Variants in ADAM22 observed in about 807,000 individuals in gnomAD.
ADAM22 encodes the protein ADAM metallopeptidase domain 22, also known as disintegrin and metalloproteinase domain-containing protein 22.
ADAM22 carries 65 observed loss-of-function variants against 144.6 expected under a neutral mutation model. The observed-to-expected ratio is 0.45, with a 90% CI of 0.37 to 0.55. The LOEUF (loss-of-function observed/expected upper bound fraction) is 0.55, where lower values mean the gene tolerates loss of function less well. ADAM22 is among the 20% of genes least tolerant of loss of function. ADAM22 has a pLI of 0.00. For synonymous variants in ADAM22, 391 were observed against 412.6 expected (o/e 0.95, Z 0.63); for missense variants, 974 against 1,184.9 (o/e 0.82, Z 2.61).
chr7:88,003,232 A>T (rs1216152251), intron 3 of ADAM22, among the ~76,000 whole-genome samples: 1 of 152,228 alleles, frequency 6.6e-6, no homozygotes, highest in Non-Finnish European at 1.5e-5. Flanking sequence ...CTCAGGAAAT[A>T]AGCTGTCAAT....
chr7:88,006,586 G>T (rs1793913502), intron 3 of ADAM22, among the ~76,000 whole-genome samples: 1 of 149,554 alleles, frequency 6.7e-6, no homozygotes, highest in South Asian at 2.2e-4. Context: ...GGGATGCAAG[G>T]CTGGTTCAAT....
intron 2 of ADAM22, among the ~76,000 whole-genome samples, chr7:87,966,225 G>A (rs993287642): frequency 6.6e-6 from 1 of 152,288 alleles, no homozygotes; most frequent in East Asian, 1.9e-4. Flanking sequence ...TCCCAGGGCT[G>A]ATTTGTCGGA....
At chr7:88,181,649 T>A in intron 28 of ADAM22, 44 bp downstream of exon 28, 1 of 1,523,802 alleles carries the variant, frequency 6.6e-7, no homozygotes, top group Non-Finnish European at 9.1e-7. Context: ...ATAATCAAGT[T>A]CTATATTCTG....
At chr7:88,025,460 G>A (rs1798801160) in intron 3 of ADAM22, among the ~76,000 whole-genome samples, 1 of 152,078 alleles carries the variant, frequency 6.6e-6, no homozygotes, top group South Asian at 2.1e-4. Flanking sequence ...ATATCCTGGA[G>A]AGATTCTCTA....
At position 88,018,976 on chromosome 7, in the gene ADAM22, A is replaced by G. The variant is rs928655620; in HGVS notation, c.323+40564A>G. Among the ~76,000 whole-genome samples the G allele has an allele frequency of 3.3e-5, 5 of 152,176 alleles. 1 individual carries two copies. The highest frequency in any genetic ancestry group is 4.8e-5 in the African/African-American group (2 of 41,438). Reference sequence around the variant, plus strand: ...AGCTCTATAGCTTTTTTGTATAAAAAGTTTTAGTATAACGTAAGAGTATTT... The same window carrying G: ...AGCTCTATAGCTTTTTTGTATAAAAGGTTTTAGTATAACGTAAGAGTATTT... On this transcript the variant is annotated intron_variant, in intron 3 of 31. Transcript: ENST00000413139.
intron 2 of ADAM22, among the ~76,000 whole-genome samples, chr7:87,961,484 C>G (rs990434638): frequency 1.3e-5 from 2 of 152,194 alleles, no homozygotes; most frequent in East Asian, 3.8e-4. Context: ...CCTCCTCTTC[C>G]TATAATCCCA....
At chr7:88,050,239 A>C (rs934281197) in intron 3 of ADAM22, among the ~76,000 whole-genome samples, 4 of 150,422 alleles carry the variant, frequency 2.7e-5, no homozygotes, top group East Asian at 1.9e-4. Context: ...AAAAAAAAAA[A>C]AAAAACCTGG....
chr7:88,132,890 G>A lies in ADAM22; in HGVS notation c.1016G>A (p.Arg339Gln), dbSNP rs778859953. 15 of 1,613,760 alleles carry A rather than the reference G, an allele frequency of 9.3e-6. No individual in the cohort carries two copies. Among genetic ancestry groups the A allele is most frequent in the Admixed American group, 1.7e-5 (1 of 59,954 alleles). The change falls in exon 12 of 32, where the codon CGG (arginine) becomes CAG (glutamine). Residue 339 changes from arginine (R) to glutamine (Q), a missense_variant. By Grantham distance (43) the Arg-to-Gln change is conservative. Around this residue, in one of 2 missense-constraint regions of ADAM22, gnomAD observed 734 missense variants for 950.6 expected, o/e 0.77. Transcript: ENST00000413139. ...LFSGSQFESS[R>Q]SGAAYIGGIC... ...AGGGGAAGTCAATTTGAGAGTAGCC[G>A]GAGCGGGGCAGCTTATATTGGTGGG...
At chr7:88,087,200 T>C (rs1222143704) in intron 4 of ADAM22, among the ~76,000 whole-genome samples, 1 of 152,184 alleles carries the variant, frequency 6.6e-6, no homozygotes, top group Non-Finnish European at 1.5e-5. Flanking sequence ...ATATGTAAAA[T>C]AAGAGGCATA....
At chr7:88,008,848 T>C (rs1014633486) in intron 3 of ADAM22, among the ~76,000 whole-genome samples, 41 of 151,510 alleles carry the variant, frequency 2.7e-4, no homozygotes, top group Non-Finnish European at 5.7e-4. Context: ...TATACATATG[T>C]AACTAACCTG....
At chr7:88,133,473 T>C (rs867268020) in intron 12 of ADAM22, among the ~76,000 whole-genome samples, 38 of 152,040 alleles carry the variant, frequency 2.5e-4, no homozygotes, top group Admixed American at 6.5e-4. Context: ...TAATGGCAGA[T>C]AATATGGGAT....
intron 3 of ADAM22, among the ~76,000 whole-genome samples, chr7:88,020,445 A>T (rs1473115421): frequency 6.6e-6 from 1 of 152,158 alleles, no homozygotes; most frequent in African/African-American, 2.4e-5. Flanking sequence ...TGCTTGGAGG[A>T]GGATGCATAT....
chr7:88,086,924 TACA>T (rs1437016558), intron 4 of ADAM22, among the ~76,000 whole-genome samples: 1 of 152,206 alleles, frequency 6.6e-6, no homozygotes, highest in African/African-American at 2.4e-5. Flanking sequence ...AACTATTTAT[TACA>T]GTAATAACTT....
intron 3 of ADAM22, 65 bp downstream of exon 3, chr7:87,978,477 A>G: frequency 6.9e-7 from 1 of 1,445,696 alleles, no homozygotes; most frequent in Non-Finnish European, 9.6e-7. Flanking sequence ...TTCCACTTGT[A>G]AAGTTTTTTC....
At chr7:88,095,158 A>G (rs1820913065) in intron 4 of ADAM22, among the ~76,000 whole-genome samples, 1 of 152,124 alleles carries the variant, frequency 6.6e-6, no homozygotes, top group Admixed American at 6.5e-5. Context: ...TTCTGATTCC[A>G]CTCATGACAG....
intron 2 of ADAM22, among the ~76,000 whole-genome samples, chr7:87,950,419 G>A (rs1190784884): frequency 6.8e-6 from 1 of 147,908 alleles, no homozygotes; most frequent in Non-Finnish European, 1.5e-5. Flanking sequence ...ATAGTTTACT[G>A]AGAATGATGA....
chr7:88,081,243 A>C (rs1193630880), intron 4 of ADAM22, among the ~76,000 whole-genome samples: 2 of 152,200 alleles, frequency 1.3e-5, no homozygotes, highest in African/African-American at 4.8e-5. Context: ...CAAAAACCAC[A>C]TGATTATCTC....
intron 3 of ADAM22, among the ~76,000 whole-genome samples, chr7:87,985,389 C>T (rs1397981774): frequency 6.6e-6 from 1 of 151,904 alleles, no homozygotes; most frequent in Non-Finnish European, 1.5e-5. Flanking sequence ...ATTTTCAGTA[C>T]CTTTACTGAG....
At chr7:88,038,393 A>C (rs1441109644) in intron 3 of ADAM22, among the ~76,000 whole-genome samples, 1 of 152,142 alleles carries the variant, frequency 6.6e-6, no homozygotes, top group Non-Finnish European at 1.5e-5. Flanking sequence ...GGAGCATCCA[A>C]ATATAAGCAC....
Sources: allele counts gnomAD v4.1 joint callset (sites outside exome capture counted in the v4.1 genomes callset), GRCh38; gene constraint gnomAD v4.1.1; regional missense constraint gnomAD v4.1.1; transcripts MANE v1.5; gene names NCBI Gene and HGNC (gene_info 2026-07-23, HGNC 2026-07-21).